FANCI: variants seen among roughly 807,000 people sequenced by gnomAD.
FANCI encodes Fanconi anemia group I protein.
In FANCI, 156 loss-of-function variants were observed where a neutral mutation model predicts 176.1. The ratio of observed to expected loss-of-function variants is 0.89; its 90% CI spans 0.78 to 1.01. FANCI has a LOEUF of 1.01. Among genes scored for constraint, FANCI ranks in the 50% least tolerant of loss-of-function variants. The probability of loss-of-function intolerance (pLI) is 0.00; values close to 1 mark genes in which losing one functional copy is unlikely to be tolerated. For synonymous variants in FANCI, 613 were observed against 541.7 expected (o/e 1.13, Z -1.83); for missense variants, 1,678 against 1,534.1 (o/e 1.09, Z -1.57).
At chr15:89,297,967 C>T (rs2054373174) in intron 24 of FANCI, among the ~76,000 whole-genome samples, 1 of 151,780 alleles carries the variant, frequency 6.6e-6, no homozygotes, top group African/African-American at 2.4e-5. Flanking sequence ...AGGGATATTA[C>T]ATAATGGTTA....
chr15:89,281,153 T>C lies in FANCI; in HGVS notation c.1382-17T>C. 6.2e-7 allele frequency: 1 copy of C among 1,612,496 alleles called. No individual in the cohort carries two copies. The highest frequency in any genetic ancestry group is 8.5e-7 in the Non-Finnish European group (1 of 1,178,834). On this transcript the variant is annotated splice_polypyrimidine_tract_variant and intron_variant, in intron 14 of 37. Coordinates refer to ENST00000310775, the MANE Select transcript of FANCI (RefSeq NM_001113378.2). ...TTTAGTTATTTGAGACAACTGATTATAGATTCTGTTTTTCAGACCTGCTTT... is the reference window on the plus strand; with the variant it reads ...TTTAGTTATTTGAGACAACTGATTACAGATTCTGTTTTTCAGACCTGCTTT...
At chr15:89,269,374 G>A (rs1337348049) in intron 10 of FANCI, among the ~76,000 whole-genome samples, 2 of 151,554 alleles carry the variant, frequency 1.3e-5, no homozygotes, top group Non-Finnish European at 2.9e-5. Context: ...CATTTTCACA[G>A]TTGTCTCTAA....
chr15:89,264,058 T>A lies in FANCI; in HGVS notation c.669+32T>A, dbSNP rs774635943. ...ATGGAAAATTGTTTCTCCTTAGTTC[T>A]GGTGGTATGACCAGTTATGACCATT... On this transcript the variant is annotated intron_variant, in intron 8 of 37. Transcript: ENST00000310775. The A allele has an allele frequency of 5.6e-6, 9 of 1,613,472 alleles. No individual in the cohort carries two copies. In the African/African-American group the frequency reaches 1.2e-4, roughly 22 times the overall value.
Position 89,268,711 on chromosome 15 carries a change from T to A in FANCI, c.882+186T>A, listed in dbSNP as rs1017132090. 3.1e-5 allele frequency: 20 copies of A among 646,770 alleles called. No individual in the cohort carries two copies. The African/African-American group carries it at 3.7e-4, about 12-fold the overall frequency. The allele number at this position is 646,770 out of a possible 1,614,324, so 40.1% of individuals were successfully genotyped here. ...TGATGTTACCACACTCCCTTTTTTT[T>A]AATGTCCTCACTTTAGCAGTATACC... On this transcript the variant is annotated intron_variant, in intron 10 of 37. Transcript: ENST00000310775.
Position 89,303,932 on chromosome 15 carries a change from G to A in FANCI, c.3058+17G>A, listed in dbSNP as rs1052709430. On this transcript the variant is annotated intron_variant, in intron 28 of 37. Coordinates refer to ENST00000310775, the MANE Select transcript of FANCI (RefSeq NM_001113378.2). ...ACAGCCGGGGTAAGTTTACTGCCATGTTTTCCTAAAGGCTTTATATAAAAT... is the reference window on the plus strand; with the variant it reads ...ACAGCCGGGGTAAGTTTACTGCCATATTTTCCTAAAGGCTTTATATAAAAT... 6.2e-7 allele frequency: 1 copy of A among 1,612,846 alleles called. No individual in the cohort carries two copies. The highest frequency in any genetic ancestry group is 2.2e-5 in the East Asian group (1 of 44,860).
chr15:89,284,157 C>T (rs576201210), intron 17 of FANCI, among the ~76,000 whole-genome samples: 1 of 152,258 alleles, frequency 6.6e-6, no homozygotes, highest in South Asian at 2.1e-4. Context: ...TCCTCTGAGG[C>T]TAGATACTAT....
Position 89,247,702 on chromosome 15 carries a change from GA to G in FANCI, c.57del (p.Glu19AspfsTer6). 1 of 1,614,008 alleles carries G rather than the reference GA, an allele frequency of 6.2e-7. No individual in the cohort carries two copies. Among genetic ancestry groups the G allele is most frequent in the Admixed American group, 1.7e-5 (1 of 60,022 alleles). On this transcript the variant is annotated frameshift_variant, in exon 2 of 38. Transcript: ENST00000310775. LOFTEE classifies it high-confidence loss of function. ...AGAAAAAACAGCAGACAAACTGCAA[GA>G]ATTTCTTCAAACCCTGAGAGAAGGT... ...AAEKTADKLQ[E>X]FLQTLREGDL...
intron 14 of FANCI, among the ~76,000 whole-genome samples, chr15:89,279,236 C>T (rs1157022606): frequency 6.6e-6 from 1 of 152,194 alleles, no homozygotes; most frequent in African/African-American, 2.4e-5. Flanking sequence ...CAGCTCACTG[C>T]AACCTCTGCC....
In FANCI at chr15:89,276,866, C is replaced by A. The variant is rs1278569638; in HGVS notation, c.1268C>A (p.Ala423Asp). The A allele has an allele frequency of 1.2e-6, 2 of 1,614,046 alleles. No individual in the cohort carries two copies. The highest frequency in any genetic ancestry group is 1.3e-5 in the African/African-American group (1 of 74,904). Residue 423 changes from alanine to aspartate, a missense_variant, in exon 13 of 38, where the codon GCT (alanine) becomes GAT (aspartate). Transcript: ENST00000310775. ...AACCAGCATGCATGTAAGCTCGGAG[C>A]TAATATCCTGTTGGAAACTTTTAAG... ...MPNQHACKLG[A>D]NILLETFKIH... is the part of the protein sequence containing the mutation.
At chr15:89,283,385 G>GTGCTGATGATGATGATGA in intron 17 of FANCI, 135 bp downstream of exon 17, 2 of 1,341,758 alleles carry the variant, frequency 1.5e-6, no homozygotes, top group South Asian at 2.4e-5. Context: ...GATGATGATG[G>GTGCTGATGATGATGATGA]TGCTGATGAT....
intron 9 of FANCI, among the ~76,000 whole-genome samples, chr15:89,267,390 A>G (rs1043119704): frequency 1.3e-5 from 2 of 151,828 alleles, no homozygotes; most frequent in Admixed American, 6.6e-5. Context: ...CTAAGAGAAG[A>G]AAATTTTTCA....
intron 12 of FANCI, 93 bp downstream of exon 12, chr15:89,274,397 C>T: frequency 7.1e-7 from 1 of 1,417,526 alleles, no homozygotes; most frequent in South Asian, 1.2e-5. Context: ...TGAGGGGAAA[C>T]TGATGACTTA....
Position 89,273,511 on chromosome 15 carries a change from T to TAAAAAAAA in FANCI, c.975+59_975+66dup, listed in dbSNP as rs34985075. On this transcript the variant is annotated intron_variant, in intron 11 of 37. Transcript: ENST00000310775. ...CCATTTTGTTTCTTTCTGTAGTTGG[T>TAAAAAAAA]AAAAAAAAAAAAAAAAAAAAAAAAT... 8.4e-6 allele frequency: 4 copies of TAAAAAAAA among 476,810 alleles called. No homozygotes were observed. The African/African-American group carries it at 8.9e-5, about 11-fold the overall frequency. The allele number at this position is 476,810 out of a possible 1,614,324, so 29.5% of individuals were successfully genotyped here. A position where few individuals can be genotyped will look rare whatever the true frequency, so the allele number is the denominator to read the frequency against.
chr15:89,293,769 A>C (rs1302325053), intron 22 of FANCI, 64 bp from the exon 23 acceptor site: 1 of 1,418,092 alleles, frequency 7.1e-7, no homozygotes, highest in Non-Finnish European at 9.9e-7. Flanking sequence ...TTATTATCAT[A>C]TGTAAAAGTA....
At chr15:89,264,995 G>A (rs2052877904) in intron 9 of FANCI, among the ~76,000 whole-genome samples, 1 of 152,200 alleles carries the variant, frequency 6.6e-6, no homozygotes, top group Non-Finnish European at 1.5e-5. Flanking sequence ...AAAGTGCTAT[G>A]CAGGTAATTC....
chr15:89,274,589 T>G (rs1351326301), intron 12 of FANCI, among the ~76,000 whole-genome samples: 1 of 145,454 alleles, frequency 6.9e-6, no homozygotes, highest in Admixed American at 7.0e-5. Flanking sequence ...ATTTTCCTTT[T>G]CTTTCTTTCC....
intron 4 of FANCI, among the ~76,000 whole-genome samples, 169 bp from the exon 5 acceptor site, chr15:89,261,416 C>T (rs146352498): frequency 1.2e-3 from 182 of 152,336 alleles, no homozygotes; most frequent in Middle Eastern, 6.8e-3. Flanking sequence ...AAGCCCTTCA[C>T]AATTATAACT....
chr15:89,287,139 A>G (rs1159016321), intron 18 of FANCI, among the ~76,000 whole-genome samples: 1 of 151,916 alleles, frequency 6.6e-6, no homozygotes, highest in Non-Finnish European at 1.5e-5. Context: ...ATACCCAGCT[A>G]ATTTTTGTAT....
At chr15:89,283,370 C>T in intron 17 of FANCI, 120 bp downstream of exon 17, 1 of 1,447,838 alleles carries the variant, frequency 6.9e-7, no homozygotes, top group Non-Finnish European at 9.5e-7. Flanking sequence ...ACTAAAGAGT[C>T]TGATGATGAT....
Sources: gnomAD v4.1 joint callset for allele counts (sites outside exome capture counted in the v4.1 genomes callset) on GRCh38, gnomAD v4.1.1 for gene constraint, MANE v1.5 for transcripts, NCBI Gene and HGNC (gene_info 2026-07-23, HGNC 2026-07-21) for gene names.